SCEL: variants seen among roughly 807,000 people sequenced by gnomAD.
The protein encoded by SCEL is sciellin.
Under a neutral mutation model 117.6 loss-of-function variants are expected in SCEL, and 113 were observed. The observed-to-expected ratio is 0.96, with a 90% CI of 0.83 to 1.12. SCEL has a LOEUF of 1.12. Among genes scored for constraint, SCEL ranks in the 50% most tolerant of loss-of-function variants. SCEL has a pLI of 0.00. For synonymous variants in SCEL, 270 were observed against 256.2 expected (o/e 1.05, Z -0.51); for missense variants, 785 against 810.8 (o/e 0.97, Z 0.39).
At chr13:77,540,328 T>A (rs2083636484) in intron 1 of SCEL, among the ~76,000 whole-genome samples, 1 of 152,092 alleles carries the variant, frequency 6.6e-6, no homozygotes, top group Non-Finnish European at 1.5e-5. Context: ...AGATGTACAA[T>A]GTGTGAATGT....
At chr13:77,582,771 GTTA>G (rs1237033766) in intron 9 of SCEL, among the ~76,000 whole-genome samples, 2 of 151,994 alleles carry the variant, frequency 1.3e-5, no homozygotes, top group Non-Finnish European at 2.9e-5. Context: ...TTATGCTTTT[GTTA>G]TTATGTTTAA....
chr13:77,582,127 A>G (rs2086295261), intron 9 of SCEL, among the ~76,000 whole-genome samples: 2 of 152,132 alleles, frequency 1.3e-5, no homozygotes, highest in African/African-American at 2.4e-5. Flanking sequence ...TCTCTTAGCT[A>G]TGTGCAGAAT....
In SCEL at chr13:77,645,067, A is replaced by G. The variant is rs1209983686; in HGVS notation, c.*793A>G. The G allele has an allele frequency of 6.9e-6, 1 of 144,750 alleles. No individual in the cohort carries two copies. Among genetic ancestry groups the G allele is most frequent in the Non-Finnish European group, 1.5e-5 (1 of 66,478 alleles). 9.0% of individuals were successfully genotyped at this position (144,750 alleles called of 1,614,324 possible). On this transcript the variant is annotated 3_prime_UTR_variant, in exon 33 of 33. Coordinates refer to ENST00000349847, the MANE Select transcript of SCEL (RefSeq NM_144777.3). ...TGATGGGTAACAGGTAAAATATGAC[A>G]TGTATAGCTTACATGTTATTATTTG... is the stretch of plus-strand genomic sequence containing the variant.
rs765085378 is a variant in SCEL, at chr13:77,589,230, A to G, written c.626+6A>G. On this transcript the variant is annotated splice_donor_region_variant and intron_variant, in intron 10 of 32. Transcript: ENST00000349847. ...CAGCTGAGACAGGATAATAGGTAAG[A>G]CCTAGTACTCCAGAATTTCTTGACA... 2.5e-6 allele frequency: 4 copies of G among 1,590,962 alleles called. No homozygotes were observed. In the Admixed American group the frequency reaches 5.1e-5, roughly 20 times the overall value.
Position 77,584,626 on chromosome 13 carries a change from G to A in SCEL, c.546-4518G>A, listed in dbSNP as rs147565245. Among the ~76,000 whole-genome samples the A allele has an allele frequency of 9.6e-4, 146 of 152,194 alleles. No homozygotes were observed. The Middle Eastern group carries it at 0.017, about 18-fold the overall frequency. ...TTAACATGACTGTAACATAAGTAAA[G>A]CTTGGCACCATCCCATTTCTATTTT... On this transcript the variant is annotated intron_variant, in intron 9 of 32. Transcript: ENST00000349847.
chr13:77,544,708 T>C (rs1191510354), intron 1 of SCEL, among the ~76,000 whole-genome samples: 9 of 152,128 alleles, frequency 5.9e-5, no homozygotes. Context: ...TAGAAAATAC[T>C]GAAGGAAATT....
intron 13 of SCEL, among the ~76,000 whole-genome samples, chr13:77,598,097 G>A (rs1361779393): frequency 6.6e-6 from 1 of 152,152 alleles, no homozygotes; most frequent in African/African-American, 2.4e-5. Context: ...AAGTAGCTGG[G>A]ACTACAGGCC....
intron 1 of SCEL, among the ~76,000 whole-genome samples, chr13:77,537,220 G>A (rs1479457868): frequency 6.6e-6 from 1 of 152,184 alleles, no homozygotes; most frequent in Non-Finnish European, 1.5e-5. Flanking sequence ...AGATCTAATT[G>A]ACAGAATATT....
intron 15 of SCEL, among the ~76,000 whole-genome samples, chr13:77,600,511 C>T (rs143274803): frequency 3.3e-5 from 5 of 152,008 alleles, no homozygotes; most frequent in Non-Finnish European, 5.9e-5. Context: ...TCTCTTCATA[C>T]GTATTTGTAA....
chr13:77,609,211 A>G lies in SCEL; in HGVS notation c.1277+94A>G, dbSNP rs76209711. Reference sequence around the variant, plus strand: ...TTTCAGCTGACTGATGCTGAACCCAATGATCCTTCAAGAAAAGCCATGTAA... The same window carrying G: ...TTTCAGCTGACTGATGCTGAACCCAGTGATCCTTCAAGAAAAGCCATGTAA... On this transcript the variant is annotated intron_variant, in intron 21 of 32. Transcript: ENST00000349847. 7.3e-4 allele frequency: 748 copies of G among 1,025,472 alleles called. 1 individual carries two copies. In the African/African-American group the frequency reaches 0.011, roughly 15 times the overall value. 63.5% of individuals were successfully genotyped at this position (1,025,472 alleles called of 1,614,324 possible). A position where few individuals can be genotyped will look rare whatever the true frequency, so the allele number is the denominator to read the frequency against.
At chr13:77,643,987 T>C (rs1339653817) in intron 32 of SCEL, among the ~76,000 whole-genome samples, 3 of 152,126 alleles carry the variant, frequency 2.0e-5, no homozygotes, top group Admixed American at 2.0e-4. Flanking sequence ...TATGTCTTCC[T>C]CCCTATATGT....
At chr13:77,635,405 T>C (rs2090228324) in intron 29 of SCEL, among the ~76,000 whole-genome samples, 1 of 152,188 alleles carries the variant, frequency 6.6e-6, no homozygotes, top group African/African-American at 2.4e-5. Context: ...TAATATCAAA[T>C]AGTATCATAG....
chr13:77,625,534 C>T (rs544802089), intron 27 of SCEL, among the ~76,000 whole-genome samples: 23 of 152,268 alleles, frequency 1.5e-4, no homozygotes, highest in African/African-American at 4.6e-4. Flanking sequence ...GTACTTTTTA[C>T]CTGCATTAAT....
chr13:77,546,879 A>C (rs986185891), intron 1 of SCEL, among the ~76,000 whole-genome samples: 2 of 152,162 alleles, frequency 1.3e-5, no homozygotes, highest in East Asian at 1.9e-4. Flanking sequence ...GCCCACAGTC[A>C]CTAAGGTCCA....
intron 9 of SCEL, among the ~76,000 whole-genome samples, chr13:77,572,904 C>T (rs2085723937): frequency 6.6e-6 from 1 of 152,172 alleles, no homozygotes; most frequent in African/African-American, 2.4e-5. Context: ...TGGGAGAGAA[C>T]AGAGTCAGGC....
At chr13:77,545,952 C>T (rs2083963699) in intron 1 of SCEL, among the ~76,000 whole-genome samples, 1 of 152,244 alleles carries the variant, frequency 6.6e-6, no homozygotes, top group South Asian at 2.1e-4. Flanking sequence ...CCTTATGAAA[C>T]TATTATCACC....
chr13:77,617,703 A>T, intron 25 of SCEL, 45 bp downstream of exon 25: 3 of 1,478,126 alleles, frequency 2.0e-6, no homozygotes, highest in Non-Finnish European at 2.8e-6. Context: ...CAGAAAGAAT[A>T]TTAAGTTTTA....
intron 1 of SCEL, among the ~76,000 whole-genome samples, chr13:77,546,574 G>A (rs373062741): frequency 2.6e-5 from 4 of 151,716 alleles, no homozygotes; most frequent in African/African-American, 9.7e-5. Flanking sequence ...GTTGATAAAA[G>A]AATCACACAT....
At chr13:77,602,013 T>C in intron 15 of SCEL, 52 bp from the exon 16 acceptor site, 1 of 1,437,344 alleles carries the variant, frequency 7.0e-7, no homozygotes, top group Non-Finnish European at 9.6e-7. Flanking sequence ...TATCACTGAG[T>C]TGCTCTTGCC....
Sources: gnomAD v4.1 joint callset for allele counts (sites outside exome capture counted in the v4.1 genomes callset) on GRCh38, gnomAD v4.1.1 for gene constraint, MANE v1.5 for transcripts, NCBI Gene and HGNC (gene_info 2026-07-23, HGNC 2026-07-21) for gene names.